Variants in VAV3 observed in about 807,000 individuals in gnomAD.
The protein encoded by VAV3 is vav guanine nucleotide exchange factor 3.
Under a neutral mutation model 131.2 loss-of-function variants are expected in VAV3, and 94 were observed. The ratio of observed to expected loss-of-function variants is 0.72; its 90% CI spans 0.61 to 0.85. The LOEUF is 0.85. Ranked by LOEUF, VAV3 falls within the 40% of genes least tolerant of loss-of-function variation. The pLI, the probability that VAV3 is intolerant of heterozygous loss-of-function variation, is 0.00. For synonymous variants in VAV3, 349 were observed against 342.0 expected (o/e 1.02, Z -0.22); for missense variants, 939 against 1,002.7 (o/e 0.94, Z 0.86).
At chr1:107,743,153 C>T (rs369437644) in intron 15 of VAV3, among the ~76,000 whole-genome samples, 53 of 152,294 alleles carry the variant, frequency 3.5e-4, no homozygotes, top group African/African-American at 1.2e-3. Flanking sequence ...CAGTCAGGGC[C>T]TTCTTCCATC....
At chr1:107,586,850 T>C (rs550002036) in intron 25 of VAV3, among the ~76,000 whole-genome samples, 4 of 152,168 alleles carry the variant, frequency 2.6e-5, no homozygotes, top group Non-Finnish European at 5.9e-5. Context: ...ATATTTATTT[T>C]GAACTAATCA....
At chr1:107,916,439 G>C (rs916807249) in intron 1 of VAV3, among the ~76,000 whole-genome samples, 4 of 152,186 alleles carry the variant, frequency 2.6e-5, no homozygotes, top group Non-Finnish European at 5.9e-5. Context: ...TGAAGGTGTA[G>C]TTTCAAACCT....
At chr1:107,805,803 T>C (rs547568515) in intron 2 of VAV3, among the ~76,000 whole-genome samples, 1 of 152,320 alleles carries the variant, frequency 6.6e-6, no homozygotes, top group African/African-American at 2.4e-5. Context: ...TATAGATTCT[T>C]TGTAATTTAC....
Position 107,820,491 on chromosome 1 carries a change from G to A in VAV3, c.322-40999C>T, listed in dbSNP as rs78704447. On this transcript the variant is annotated intron_variant, in intron 2 of 26. Coordinates refer to ENST00000370056, the MANE Select transcript of VAV3 (RefSeq NM_006113.5). ...GGGGAGTGGGGGGGTAGGGTGTAGG[G>A]ATGGATAATAGTTACAAAAATAGAG... is the stretch of plus-strand genomic sequence containing the variant. 8.1e-4 allele frequency among the ~76,000 whole-genome samples: 123 copies of A among 152,032 alleles called. 1 individual carries two copies. The East Asian group carries it at 0.021, about 25-fold the overall frequency.
intron 15 of VAV3, among the ~76,000 whole-genome samples, chr1:107,746,911 A>G (rs1663383950): frequency 6.6e-6 from 1 of 150,420 alleles, no homozygotes; most frequent in Non-Finnish European, 1.5e-5. Context: ...ACGGAGTCTC[A>G]GTCTAGTACC....
intron 2 of VAV3, among the ~76,000 whole-genome samples, chr1:107,802,672 T>C (rs1053078018): frequency 3.9e-5 from 6 of 152,182 alleles, no homozygotes; most frequent in African/African-American, 1.4e-4. Context: ...TGAACTATCA[T>C]ATCCTAGGAT....
Position 107,751,172 on chromosome 1 carries a change from G to A in VAV3, c.1204C>T (p.Gln402Ter). Residue 402 changes from glutamine (Q) to a stop codon, truncating the protein, a stop_gained, in exon 13 of 27, where the codon CAG becomes TAG. Coordinates refer to ENST00000370056, the MANE Select transcript of VAV3 (RefSeq NM_006113.5). LOFTEE classifies it high-confidence loss of function. ...GTTATTCGAATTTCACCATCTCCCT[G>A]AGGTCGTCCAAAAAGCAAAACTGGT... ...NQPVLLFGRPQGDGEIRITTL... is the reference protein window; with the variant it reads ...NQPVLLFGRP The A allele has an allele frequency of 6.2e-7, 1 of 1,612,888 alleles. No individual in the cohort carries two copies. The highest frequency in any genetic ancestry group is 8.5e-7 in the Non-Finnish European group (1 of 1,179,606).
intron 2 of VAV3, among the ~76,000 whole-genome samples, chr1:107,783,771 A>C (rs1466913385): frequency 6.6e-6 from 1 of 152,024 alleles, no homozygotes; most frequent in East Asian, 1.9e-4. Flanking sequence ...ATTTCAGGCC[A>C]GGCCTGGTGG....
intron 20 of VAV3, among the ~76,000 whole-genome samples, chr1:107,621,796 C>T (rs757654375): frequency 2.0e-5 from 3 of 152,122 alleles, no homozygotes; most frequent in Non-Finnish European, 2.9e-5. Context: ...TCAAGGTCAA[C>T]TTGAAAACAT....
chr1:107,964,827 T>C lies in VAV3; in HGVS notation c.43A>G (p.Lys15Glu). The C allele has an allele frequency of 6.8e-6, 11 of 1,613,510 alleles. No homozygotes were observed. The highest frequency in any genetic ancestry group is 9.3e-6 in the Non-Finnish European group (11 of 1,179,806). The change falls in exon 1 of 27, where the codon AAG (lysine) becomes GAG (glutamate). Residue 15 changes from lysine (K) to glutamate (E), a missense_variant. Coordinates refer to ENST00000370056, the MANE Select transcript of VAV3 (RefSeq NM_006113.5). The stretch of plus-strand genomic sequence containing the variant: ...ACCCGGTGGTTGGTGGGCAGCACCT[T>C]GCAATGGATGAGCCACTGCGCGCAC... ...KQCAQWLIHC[K>E]VLPTNHRVTW...
chr1:107,866,822 C>CAAAAAA (rs66866060), intron 2 of VAV3, among the ~76,000 whole-genome samples: 12 of 59,204 alleles, frequency 2.0e-4, no homozygotes, highest in African/African-American at 7.4e-4. Context: ...GACTCCATCT[C>CAAAAAA]AAAAAAAAAA....
intron 2 of VAV3, among the ~76,000 whole-genome samples, chr1:107,869,463 G>A (rs1670155472): frequency 6.6e-6 from 1 of 151,922 alleles, no homozygotes; most frequent in South Asian, 2.1e-4. Flanking sequence ...ACTTACCTTG[G>A]ACCTTGACAC....
At position 107,871,558 on chromosome 1, in the gene VAV3, G is replaced by A. The variant is rs369342833; in HGVS notation, c.321+3343C>T. On this transcript the variant is annotated intron_variant, in intron 2 of 26. Coordinates refer to ENST00000370056, the MANE Select transcript of VAV3 (RefSeq NM_006113.5). Reference sequence around the variant, plus strand: ...AACTGTTCTAATTTTTGTTGATGTTGGTGGAGTTTGAAGTGAATTACTACT... The same window carrying A: ...AACTGTTCTAATTTTTGTTGATGTTAGTGGAGTTTGAAGTGAATTACTACT... 9.9e-5 allele frequency among the ~76,000 whole-genome samples: 15 copies of A among 152,032 alleles called. 2 individuals are homozygous for A. The highest frequency in any genetic ancestry group is 3.6e-4 in the African/African-American group (15 of 41,456).
At chr1:107,959,317 C>T (rs1674971577) in intron 1 of VAV3, among the ~76,000 whole-genome samples, 2 of 151,984 alleles carry the variant, frequency 1.3e-5, no homozygotes. Flanking sequence ...TTCTTTTCCC[C>T]TAGTAGCCAC....
chr1:107,605,002 C>T lies in VAV3; in HGVS notation c.2016-1839G>A, dbSNP rs906192104. ...TGCTCACTCCTTTATAGTGCTGTTCCTCACTCTTGTCTTTCTGTAACCTCT... is the reference window on the plus strand; with the variant it reads ...TGCTCACTCCTTTATAGTGCTGTTCTTCACTCTTGTCTTTCTGTAACCTCT... On this transcript the variant is annotated intron_variant, in intron 22 of 26. Coordinates refer to ENST00000370056, the MANE Select transcript of VAV3 (RefSeq NM_006113.5). Among the ~76,000 whole-genome samples the T allele has an allele frequency of 3.3e-5, 5 of 152,232 alleles. No individual in the cohort carries two copies. In the East Asian group the frequency reaches 7.7e-4, roughly 24 times the overall value.
chr1:107,889,554 G>A (rs1185616517), intron 1 of VAV3, among the ~76,000 whole-genome samples: 1 of 152,004 alleles, frequency 6.6e-6, no homozygotes, highest in Non-Finnish European at 1.5e-5. Context: ...AACTGGTTTA[G>A]GCAGAAAGAG....
intron 2 of VAV3, among the ~76,000 whole-genome samples, chr1:107,819,107 C>T (rs946697959): frequency 3.3e-5 from 5 of 152,064 alleles, no homozygotes; most frequent in Admixed American, 6.6e-5. Context: ...TCATACAGGG[C>T]TCCAGATGAA....
chr1:107,824,316 A>G (rs1667919199), intron 2 of VAV3, among the ~76,000 whole-genome samples: 1 of 152,218 alleles, frequency 6.6e-6, no homozygotes, highest in African/African-American at 2.4e-5. Context: ...GAATAAGGTG[A>G]TAACTAACGG....
intron 16 of VAV3, 122 bp from the exon 17 acceptor site, chr1:107,704,772 G>C: frequency 1.0e-6 from 1 of 984,762 alleles, no homozygotes; most frequent in Non-Finnish European, 1.5e-6. Flanking sequence ...TTGGTAGAGG[G>C]AGACGAGCTT....
Sources: gnomAD v4.1 joint callset for allele counts (sites outside exome capture counted in the v4.1 genomes callset) on GRCh38, gnomAD v4.1.1 for gene constraint, MANE v1.5 for transcripts, NCBI Gene and HGNC (gene_info 2026-07-23, HGNC 2026-07-21) for gene names.